RYR1: variants seen among roughly 807,000 people sequenced by gnomAD.
The protein encoded by RYR1 is ryanodine receptor 1.
In RYR1, 342 loss-of-function variants were observed where a neutral mutation model predicts 583.5. The ratio of observed to expected loss-of-function variants is 0.59; its 90% confidence interval spans 0.54 to 0.64. The LOEUF is 0.64. Among genes scored for constraint, RYR1 ranks in the 30% least tolerant of loss-of-function variants. RYR1 has a pLI of 0.00. For synonymous variants in RYR1, 2,791 were observed against 2,822.5 expected (o/e 0.99, Z 0.35); for missense variants, 6,032 against 6,917.2 (o/e 0.87, Z 4.54).
intron 49 of RYR1, among the ~76,000 whole-genome samples, chr19:38,503,954 G>C (rs766654766): frequency 3.3e-5 from 5 of 152,074 alleles, no homozygotes; most frequent in Non-Finnish European, 5.9e-5. Context: ...ACGCTTATTT[G>C]TGTAAAGCAA....
At chr19:38,560,606 G>A (rs1973081412) in intron 89 of RYR1, among the ~76,000 whole-genome samples, 1 of 150,356 alleles carries the variant, frequency 6.7e-6, no homozygotes, top group Middle Eastern at 3.2e-3. Context: ...GCGGGCACCT[G>A]TAATCCCAGC....
At chr19:38,438,529 C>T (rs1972524670) in intron 1 of RYR1, among the ~76,000 whole-genome samples, 1 of 151,020 alleles carries the variant, frequency 6.6e-6, no homozygotes. Context: ...GCAGGGACTA[C>T]AGGAACATAC....
In RYR1 at chr19:38,496,686, G is replaced by A; in HGVS notation, c.6796+145G>A. 4.1e-6 allele frequency: 5 copies of A among 1,215,038 alleles called. No individual in the cohort carries two copies. The highest frequency in any genetic ancestry group is 2.5e-5 in the South Asian group (2 of 79,626). 75.3% of individuals were successfully genotyped at this position (1,215,038 alleles called of 1,614,324 possible). The stretch of plus-strand genomic sequence containing the variant: ...TGGCCCTGTAATGAGTAATGCTGGG[G>A]ACACAATAGTGACCCCAATAGTGAC... On this transcript the variant is annotated intron_variant, in intron 41 of 105. Transcript: ENST00000359596. This position sits in a 1 kb window ranked among gnomAD's most constrained non-coding sequence, Gnocchi z 4.8.
intron 83 of RYR1, 123 bp from the exon 84 acceptor site, chr19:38,537,757 G>C: frequency 1.1e-6 from 1 of 932,420 alleles, no homozygotes; most frequent in Non-Finnish European, 1.8e-6. Context: ...AGTGGCAGCT[G>C]CTCCTCCCAG....
chr19:38,468,553 C>T (rs1968248922), intron 25 of RYR1, among the ~76,000 whole-genome samples: 1 of 152,200 alleles, frequency 6.6e-6, no homozygotes, highest in African/African-American at 2.4e-5. Flanking sequence ...AATTTCTCAT[C>T]CATCTATCTG....
intron 101 of RYR1, among the ~76,000 whole-genome samples, chr19:38,582,202 G>A (rs375196866): frequency 4.6e-5 from 7 of 151,898 alleles, no homozygotes; most frequent in South Asian, 4.2e-4. Context: ...GTTTGAGACC[G>A]GCCTGACCAA....
chr19:38,529,500 G>A (rs150629595), intron 76 of RYR1, among the ~76,000 whole-genome samples: 5 of 152,168 alleles, frequency 3.3e-5, no homozygotes, highest in East Asian at 1.9e-4. Flanking sequence ...GAAAAGGAAC[G>A]TAAATGTCAC....
At position 38,506,338 on chromosome 19, in the gene RYR1, C is replaced by T. The variant is rs1414350170; in HGVS notation, c.8577C>T (p.Pro2859=). The change falls in exon 55 of 106, where the codon CCC becomes CCT. Residue 2859 remains proline, a synonymous_variant. Transcript: ENST00000359596. ...CTCGAGAAGGCTACAACCCTCAGCC[C>T]CCCGACCTTAGTGCTGTTACCCTGT... The part of the protein sequence containing the change: ...YDPREGYNPQ[P]PDLSAVTLSR... 1.9e-6 allele frequency: 3 copies of T among 1,613,798 alleles called. No individual in the cohort carries two copies. The highest frequency in any genetic ancestry group is 2.5e-6 in the Non-Finnish European group (3 of 1,179,846).
In RYR1 at chr19:38,467,672, A is replaced by G; in HGVS notation, c.3241A>G (p.Thr1081Ala). 2 of 1,614,174 alleles carry G rather than the reference A, an allele frequency of 1.2e-6. No individual in the cohort carries two copies. The highest frequency in any genetic ancestry group is 1.7e-6 in the Non-Finnish European group (2 of 1,180,036). ...VRIFRAEKSY[T>A]VQSGRWYFEF... is the part of the protein sequence containing the mutation. ...CATCTTCCGGGCAGAGAAATCCTAT[A>G]CAGTGCAGAGCGGCCGCTGGTACTT... Residue 1081 changes from threonine (T) to alanine (A), a missense_variant, in exon 25 of 106, where the codon ACA (threonine) becomes GCA (alanine). Physicochemically the swap from Thr to Ala is moderately conservative, Grantham distance 58. Coordinates refer to ENST00000359596, the MANE Select transcript of RYR1 (RefSeq NM_000540.3).
chr19:38,448,561 C>A, intron 10 of RYR1, 50 bp downstream of exon 10: 15 of 1,614,106 alleles, frequency 9.3e-6, no homozygotes, highest in Non-Finnish European at 1.3e-5. Context: ...CCAGTCCCAG[C>A]CCAGCCTGCA....
rs762781262 is a variant in RYR1, at chr19:38,523,149, CA to C, written c.10347+35del. 8.7e-6 allele frequency: 14 copies of C among 1,613,910 alleles called. No individual in the cohort carries two copies. The South Asian group carries it at 1.4e-4, about 16-fold the overall frequency. ...CCACCCCAACCGCCCTCCCCACAACCAGAGGAGCCGCAGCCCACAGGCGCCT... is the reference window on the plus strand; with the variant it reads ...CCACCCCAACCGCCCTCCCCACAACCGAGGAGCCGCAGCCCACAGGCGCCT... On this transcript the variant is annotated intron_variant, in intron 68 of 105. Transcript: ENST00000359596.
At chr19:38,507,604 C>A in intron 57 of RYR1, 108 bp from the exon 58 acceptor site, 1 of 781,258 alleles carries the variant, frequency 1.3e-6, no homozygotes, top group East Asian at 2.5e-5. Flanking sequence ...TGGGGTGAAG[C>A]CAAAGCTGAT....
At chr19:38,575,397 C>T (rs988395270) in intron 96 of RYR1, among the ~76,000 whole-genome samples, 29 of 152,250 alleles carry the variant, frequency 1.9e-4, no homozygotes, top group Admixed American at 9.2e-4. Flanking sequence ...AGGTGGCTCA[C>T]GCCTGTAATC....
In RYR1 at chr19:38,473,394, C is replaced by T; in HGVS notation, c.3783C>T (p.Gly1261=). 6.2e-7 allele frequency: 1 copy of T among 1,613,838 alleles called. No individual in the cohort carries two copies. The highest frequency in any genetic ancestry group is 8.5e-7 in the Non-Finnish European group (1 of 1,179,978). The change falls in exon 28 of 106, where the codon GGC becomes GGT. Residue 1261 remains glycine (G), a synonymous_variant. Transcript: ENST00000359596. ...CACCTCAGGTATCCCGAGTGGACGGCACTGTGGACACGCCCCCCTGCCTGC... is the reference window on the plus strand; with the variant it reads ...CACCTCAGGTATCCCGAGTGGACGGTACTGTGGACACGCCCCCCTGCCTGC... The part of the protein sequence containing the change: ...HPHYEVSRVD[G]TVDTPPCLRL...
At chr19:38,570,094 G>A (rs765098168) in intron 93 of RYR1, among the ~76,000 whole-genome samples, 1 of 152,224 alleles carries the variant, frequency 6.6e-6, no homozygotes, top group Non-Finnish European at 1.5e-5. Flanking sequence ...CCGGTAGGCA[G>A]AGGTTGCAGT....
At chr19:38,528,838 A>T in intron 75 of RYR1, 113 bp from the exon 76 acceptor site, 1 of 1,429,184 alleles carries the variant, frequency 7.0e-7, no homozygotes, top group Non-Finnish European at 9.8e-7. Context: ...GAACCAAAGT[A>T]GGGCGCAGGA....
At chr19:38,467,912 C>A in intron 25 of RYR1, 100 bp downstream of exon 25, 2 of 1,042,022 alleles carry the variant, frequency 1.9e-6, no homozygotes, top group Non-Finnish European at 2.9e-6. Context: ...TCTGTCCCCA[C>A]TTCATGCATC....
rs763065278 is a variant in RYR1 at position 38,502,610 on chromosome 19, A to G, written c.7718A>G (p.Glu2573Gly). The change falls in exon 48 of 106, where the codon GAA (glutamate) becomes GGA (glycine). Residue 2573 changes from glutamate to glycine, a missense_variant. Around this residue, in one of 11 missense-constraint regions of RYR1, gnomAD observed 250 missense variants for 162.3 expected, o/e 1.54. Transcript: ENST00000359596. The stretch of plus-strand genomic sequence containing the variant: ...TGTGCGCCGCTCTTTGCGGGCACAG[A>G]ACACCGCGCCATCATGGTGGACTCT... ...TKCAPLFAGT[E>G]HRAIMVDSML... The G allele has an allele frequency of 6.2e-6, 10 of 1,612,756 alleles. No homozygotes were observed. Among genetic ancestry groups the G allele is most frequent in the Non-Finnish European group, 8.5e-6 (10 of 1,179,878 alleles).
rs573325473 is a variant in RYR1, at chr19:38,512,655, C to G, written c.9472+172C>G. On this transcript the variant is annotated intron_variant, in intron 63 of 105. Transcript: ENST00000359596. This position sits in a 1 kb window ranked among gnomAD's most constrained non-coding sequence, Gnocchi z 5.1. ...AAATGAGTTAATGAGGACGCGAGCT[C>G]AGCAGCTCTAACAAAAGACCCTAAG... 2.2e-4 allele frequency among the ~76,000 whole-genome samples: 33 copies of G among 152,246 alleles called. No individual in the cohort carries two copies. Among genetic ancestry groups the G allele is most frequent in the African/African-American group, 7.7e-4 (32 of 41,550 alleles).
Sources: allele counts gnomAD v4.1 joint callset (sites outside exome capture counted in the v4.1 genomes callset), GRCh38; gene constraint gnomAD v4.1.1; regional missense constraint gnomAD v4.1.1; non-coding constraint Gnocchi (gnomAD v3.1); transcripts MANE v1.5; gene names NCBI Gene and HGNC (gene_info 2026-07-23, HGNC 2026-07-21).